The following CNIH3 variants were observed in gnomAD, a reference collection of about 807,000 sequenced individuals.
CNIH3 encodes cornichon family AMPA receptor auxiliary protein 3, also known as protein cornichon homolog 3.
CNIH3 carries 14 observed loss-of-function variants against 24.1 expected under a neutral mutation model. The observed-to-expected ratio is 0.58, with a 90% confidence interval of 0.38 to 0.91. The LOEUF (loss-of-function observed/expected upper bound fraction) is 0.91, where lower values mean the gene tolerates loss of function less well. Among genes scored for constraint, CNIH3 ranks in the 40% least tolerant of loss-of-function variants. CNIH3 has a pLI of 0.00. For synonymous variants in CNIH3, 68 were observed against 73.8 expected (o/e 0.92, Z 0.40); for missense variants, 178 against 196.8 (o/e 0.90, Z 0.57).
chr1:224,463,773 A>ATTTTTTTTTTTTTTTTTTT lies in CNIH3; in HGVS notation n.203+28929_203+28947dup, dbSNP rs56137320. On this transcript the variant is annotated intron_variant and non_coding_transcript_variant, in intron 1 of 5. Coordinates refer to the CNIH3 transcript ENST00000471578. ...TTCTCCCAGCTTATGAATTGTCCTC[A>ATTTTTTTTTTTTTTTTTTT]TTTTTTTTTTTTTTTTTTTTTTTTT... is the stretch of plus-strand genomic sequence containing the variant. Among the ~76,000 whole-genome samples, 8 of 20,730 alleles carry ATTTTTTTTTTTTTTTTTTT rather than the reference A, an allele frequency of 3.9e-4. 2 individuals carry two copies. The highest frequency in any genetic ancestry group is 1.0e-3 in the African/African-American group (4 of 3,912). The allele number at this position is 20,730 out of a possible 152,430, so 13.6% of individuals were successfully genotyped here.
intron 1 of CNIH3, among the ~76,000 whole-genome samples, chr1:224,496,997 A>T (rs2124860698): frequency 6.6e-6 from 1 of 152,364 alleles, no homozygotes; most frequent in South Asian, 2.1e-4. Context: ...GGATGAATGG[A>T]TAAACAAAAT....
intron 1 of CNIH3, among the ~76,000 whole-genome samples, chr1:224,461,326 G>C (rs1675905126): frequency 6.6e-6 from 1 of 152,074 alleles, no homozygotes; most frequent in African/African-American, 2.4e-5. Flanking sequence ...TTAAACAAAG[G>C]ATGTTTAATA....
intron 1 of CNIH3, among the ~76,000 whole-genome samples, chr1:224,623,405 C>T (rs1166876897): frequency 6.6e-6 from 1 of 152,150 alleles, no homozygotes; most frequent in African/African-American, 2.4e-5. Flanking sequence ...TCTCTTCTCT[C>T]ACCCCAGGTA....
At chr1:224,654,317 G>T (rs1021976796) in intron 1 of CNIH3, among the ~76,000 whole-genome samples, 1 of 152,156 alleles carries the variant, frequency 6.6e-6, no homozygotes, top group African/African-American at 2.4e-5. Context: ...CGGGGGTGGA[G>T]GTTGCAGTGA....
chr1:224,506,264 C>T (rs558001073), intron 1 of CNIH3, among the ~76,000 whole-genome samples: 23 of 104,152 alleles, frequency 2.2e-4, no homozygotes, highest in Admixed American at 4.6e-4. Flanking sequence ...CTCATATGCA[C>T]GCACACGCGC....
chr1:224,624,925 G>T (rs1022067162), intron 1 of CNIH3, among the ~76,000 whole-genome samples: 1 of 152,050 alleles, frequency 6.6e-6, no homozygotes, highest in African/African-American at 2.4e-5. Context: ...TTCTTCACCC[G>T]ACTGGCTCTG....
chr1:224,501,541 C>T (rs1451815301), intron 1 of CNIH3, among the ~76,000 whole-genome samples: 1 of 148,758 alleles, frequency 6.7e-6, no homozygotes, highest in African/African-American at 2.5e-5. Flanking sequence ...TTTTTTTAAC[C>T]CCAGAGTTCA....
intron 1 of CNIH3, among the ~76,000 whole-genome samples, chr1:224,679,512 G>T (rs1686301251): frequency 6.6e-6 from 1 of 152,178 alleles, no homozygotes; most frequent in African/African-American, 2.4e-5. Flanking sequence ...AATAAGGAAA[G>T]CAATGATTAA....
intron 3 of CNIH3, among the ~76,000 whole-genome samples, chr1:224,609,427 A>AGTATCTTT (rs1242340100): frequency 6.6e-6 from 1 of 152,000 alleles, no homozygotes; most frequent in Non-Finnish European, 1.5e-5. Context: ...GCCAGGGCAG[A>AGTATCTTT]GTATCTTTGT....
chr1:224,709,885 A>G (rs1688040736), intron 3 of CNIH3, among the ~76,000 whole-genome samples: 1 of 152,194 alleles, frequency 6.6e-6, no homozygotes, highest in South Asian at 2.1e-4. Flanking sequence ...GAAGTTGCAG[A>G]TAGTACCAAG....
At chr1:224,697,079 A>T (rs951988501) in intron 3 of CNIH3, among the ~76,000 whole-genome samples, 6 of 152,182 alleles carry the variant, frequency 3.9e-5, no homozygotes, top group African/African-American at 1.4e-4. Flanking sequence ...ATGGGCTATG[A>T]TTTTCATAAT....
intron 1 of CNIH3, among the ~76,000 whole-genome samples, chr1:224,463,147 C>T (rs1316715745): frequency 6.6e-6 from 1 of 152,062 alleles, no homozygotes; most frequent in Non-Finnish European, 1.5e-5. Flanking sequence ...CCACCCGCCT[C>T]GGCCTCCCAA....
intron 3 of CNIH3, among the ~76,000 whole-genome samples, chr1:224,696,923 G>T (rs6692860): frequency 0.02 from 3,097 of 152,200 alleles, 75 homozygotes; most frequent in African/African-American, 0.055. Flanking sequence ...TAGTTGCCTG[G>T]ACATGTATTT....
At chr1:224,548,598 A>G (rs569392067) in intron 3 of CNIH3, among the ~76,000 whole-genome samples, 1 of 151,956 alleles carries the variant, frequency 6.6e-6, no homozygotes, top group Non-Finnish European at 1.5e-5. Context: ...GTTGTTCCTA[A>G]TATCATAGTG....
At chr1:224,629,272 GC>G (rs201857470) in intron 1 of CNIH3, among the ~76,000 whole-genome samples, 2,530 of 152,174 alleles carry the variant, frequency 0.017, 73 homozygotes, top group African/African-American at 0.057. Flanking sequence ...CTCCCAAAGT[GC>G]TGGGATTACA....
intron 1 of CNIH3, among the ~76,000 whole-genome samples, chr1:224,639,089 T>G (rs1206570789): frequency 6.6e-6 from 1 of 152,214 alleles, no homozygotes; most frequent in East Asian, 1.9e-4. Flanking sequence ...AAATTCTCTT[T>G]CCCCAATAGG....
At chr1:224,535,520 T>C (rs1027851882) in intron 2 of CNIH3, among the ~76,000 whole-genome samples, 2 of 152,282 alleles carry the variant, frequency 1.3e-5, no homozygotes, top group Admixed American at 6.5e-5. Flanking sequence ...TTTCATTTTC[T>C]AATGTTACTG....
At chr1:224,448,730 C>G (rs758550225) in intron 1 of CNIH3, among the ~76,000 whole-genome samples, 1 of 152,192 alleles carries the variant, frequency 6.6e-6, no homozygotes, top group Non-Finnish European at 1.5e-5. Flanking sequence ...ACCAGAGGGA[C>G]TTCTGTACGC....
chr1:224,571,878 C>T lies in CNIH3; in HGVS notation n.516+5614C>T, dbSNP rs143061171. On this transcript the variant is annotated intron_variant and non_coding_transcript_variant, in intron 4 of 5. Transcript: ENST00000471578. The stretch of plus-strand genomic sequence containing the variant: ...CCTTTTTTGGTGTCCAGGGCATTGC[C>T]CAAGCAGGTTTTCCACAGGGAGTTC... 2.8e-4 allele frequency among the ~76,000 whole-genome samples: 42 copies of T among 152,228 alleles called. 1 individual carries two copies. In the East Asian group the frequency reaches 7.9e-3, roughly 29 times the overall value.
Sources: gnomAD v4.1 joint callset for allele counts (sites outside exome capture counted in the v4.1 genomes callset) on GRCh38, gnomAD v4.1.1 for gene constraint, MANE v1.5 for transcripts, NCBI Gene and HGNC (gene_info 2026-07-23, HGNC 2026-07-21) for gene names.